Variants in ZBTB20 observed in about 807,000 individuals in gnomAD.
ZBTB20 encodes the protein zinc finger and BTB domain containing 20.
Under a neutral mutation model 56.9 loss-of-function variants are expected in ZBTB20, and 9 were observed. That is an observed-to-expected ratio of 0.16 (90% CI 0.10 to 0.28). The LOEUF (loss-of-function observed/expected upper bound fraction) is 0.28, where lower values mean the gene tolerates loss of function less well. Ranked by LOEUF, ZBTB20 falls within the 10% of genes least tolerant of loss-of-function variation. The pLI, the probability that ZBTB20 is intolerant of heterozygous loss-of-function variation, is 1.00. For missense variants in ZBTB20, 655 were observed against 1,003.0 expected (o/e 0.65, Z 4.69); for synonymous variants, 417 against 420.7 (o/e 0.99, Z 0.11).
At chr3:114,633,347 G>A (rs1290292851) in intron 6 of ZBTB20, among the ~76,000 whole-genome samples, 1 of 152,132 alleles carries the variant, frequency 6.6e-6, no homozygotes, top group Non-Finnish European at 1.5e-5. Flanking sequence ...CTGAAACATT[G>A]TACACTGTAT....
Position 115,123,019 on chromosome 3 carries a change from G to A in ZBTB20, c.-703+24200C>T, listed in dbSNP as rs77395665. 5.3e-4 allele frequency among the ~76,000 whole-genome samples: 81 copies of A among 152,184 alleles called. No homozygotes were observed. In the East Asian group the frequency reaches 0.014, roughly 26 times the overall value. ...AAAAACATGCATGATTTTTCATAAA[G>A]GTCTAATTATTGCTCTTTTTTTCAA... is the stretch of plus-strand genomic sequence containing the variant. On this transcript the variant is annotated intron_variant, in intron 1 of 11. Coordinates refer to ENST00000675478, the MANE Select transcript of ZBTB20 (RefSeq NM_001348800.3).
Position 114,615,209 on chromosome 3 carries a change from A to G in ZBTB20, c.-295+78319T>C, listed in dbSNP as rs552087970. ...GTCAATTTTAAAGTATCACTTAATAAATACTATTTGACAATTTGCAAATTT... is the reference window on the plus strand; with the variant it reads ...GTCAATTTTAAAGTATCACTTAATAGATACTATTTGACAATTTGCAAATTT... On this transcript the variant is annotated intron_variant, in intron 6 of 11. Transcript: ENST00000675478. Among the ~76,000 whole-genome samples the G allele has an allele frequency of 2.0e-5, 3 of 152,326 alleles. No homozygotes were observed. In the South Asian group the frequency reaches 6.2e-4, roughly 32 times the overall value.
intron 5 of ZBTB20, among the ~76,000 whole-genome samples, chr3:114,779,471 G>A (rs1313505586): frequency 6.6e-6 from 1 of 152,074 alleles, no homozygotes; most frequent in Non-Finnish European, 1.5e-5. Flanking sequence ...TAGAACTCAC[G>A]GCACCGAAGA....
At chr3:114,572,563 G>C (rs1391415799) in intron 6 of ZBTB20, among the ~76,000 whole-genome samples, 1 of 152,210 alleles carries the variant, frequency 6.6e-6, no homozygotes, top group African/African-American at 2.4e-5. Context: ...ACAGTCAGTG[G>C]AGGCCTGAGG....
chr3:114,731,105 A>G (rs2065706997), intron 5 of ZBTB20, among the ~76,000 whole-genome samples: 1 of 152,258 alleles, frequency 6.6e-6, no homozygotes, highest in Non-Finnish European at 1.5e-5. Context: ...TTGTTGGAGT[A>G]ACAGAAAGCA....
At chr3:115,016,082 T>C (rs1045601560) in intron 2 of ZBTB20, among the ~76,000 whole-genome samples, 5 of 151,884 alleles carry the variant, frequency 3.3e-5, no homozygotes, top group African/African-American at 1.2e-4. Context: ...GATGTTGAGC[T>C]TTTTTCACGT....
intron 1 of ZBTB20, among the ~76,000 whole-genome samples, chr3:115,097,251 T>A (rs1444151746): frequency 6.6e-6 from 1 of 152,200 alleles, no homozygotes; most frequent in East Asian, 1.9e-4. Flanking sequence ...CGATCTCGGC[T>A]CACTACAACC....
At position 114,576,554 on chromosome 3, in the gene ZBTB20, A is replaced by G. The variant is rs1169855494; in HGVS notation, c.-294-76163T>C. 2.9e-5 allele frequency among the ~76,000 whole-genome samples: 4 copies of G among 135,680 alleles called. No homozygotes were observed. In the East Asian group the frequency reaches 8.9e-4, roughly 30 times the overall value. 89.0% of individuals were successfully genotyped at this position (135,680 alleles called of 152,430 possible). A position where few individuals can be genotyped will look rare whatever the true frequency, so the allele number is the denominator to read the frequency against. ...AAAAAAAAAAAAAAAAAAAATGTAT[A>G]CCTGATATAAGGTGTTATAACAAAA... On this transcript the variant is annotated intron_variant, in intron 6 of 11. Coordinates refer to ENST00000675478, the MANE Select transcript of ZBTB20 (RefSeq NM_001348800.3).
intron 5 of ZBTB20, among the ~76,000 whole-genome samples, chr3:114,770,448 T>A (rs189038401): frequency 4.0e-5 from 6 of 149,666 alleles, no homozygotes; most frequent in African/African-American, 1.2e-4. Flanking sequence ...AAACTCCATC[T>A]TAAAAAAAAA....
At chr3:114,967,438 TTCTA>T (rs779572488) in intron 3 of ZBTB20, among the ~76,000 whole-genome samples, 5 of 152,214 alleles carry the variant, frequency 3.3e-5, no homozygotes. Context: ...GTACTGTACT[TTCTA>T]TCTCAGTATC....
At position 115,057,955 on chromosome 3, in the gene ZBTB20, A is replaced by G. The variant is rs1239762203; in HGVS notation, c.-507+13264T>C. Among the ~76,000 whole-genome samples the G allele has an allele frequency of 3.3e-5, 5 of 152,190 alleles. No homozygotes were observed. In the East Asian group the frequency reaches 5.8e-4, roughly 18 times the overall value. ...GGGTGGCCTCAGGAAACTTACAATC[A>G]TGATGGAAGAGGAGGCAAACACATC... On this transcript the variant is annotated intron_variant, in intron 2 of 11. Coordinates refer to ENST00000675478, the MANE Select transcript of ZBTB20 (RefSeq NM_001348800.3).
chr3:114,688,575 G>T (rs1025638103), intron 6 of ZBTB20, among the ~76,000 whole-genome samples: 1 of 152,106 alleles, frequency 6.6e-6, no homozygotes, highest in African/African-American at 2.4e-5. Flanking sequence ...TTTTGCCATT[G>T]TAATTACCTC....
At chr3:114,590,340 C>T (rs2055620462) in intron 6 of ZBTB20, among the ~76,000 whole-genome samples, 1 of 151,910 alleles carries the variant, frequency 6.6e-6, no homozygotes, top group South Asian at 2.1e-4. Context: ...CCTGTTATCC[C>T]AGCAGGAGGC....
intron 10 of ZBTB20, among the ~76,000 whole-genome samples, chr3:114,358,210 G>C (rs2081446370): frequency 6.6e-6 from 1 of 152,266 alleles, no homozygotes; most frequent in South Asian, 2.1e-4. Context: ...AAGATCTATA[G>C]CACTTGTAAT....
intron 6 of ZBTB20, among the ~76,000 whole-genome samples, chr3:114,626,037 G>T (rs970748241): frequency 1.3e-5 from 2 of 152,108 alleles, no homozygotes; most frequent in Non-Finnish European, 2.9e-5. Flanking sequence ...GCAATCTCAA[G>T]TCACATGATG....
chr3:114,967,198 A>G (rs944972009), intron 3 of ZBTB20, among the ~76,000 whole-genome samples: 1 of 152,238 alleles, frequency 6.6e-6, no homozygotes, highest in Non-Finnish European at 1.5e-5. Context: ...AGTTTAGCAC[A>G]AAATGAGAAA....
At chr3:115,009,957 T>C (rs1053387519) in intron 2 of ZBTB20, among the ~76,000 whole-genome samples, 3 of 151,986 alleles carry the variant, frequency 2.0e-5, no homozygotes, top group African/African-American at 7.2e-5. Flanking sequence ...CAGTATTATG[T>C]ATTTTTTCTT....
chr3:114,718,535 C>T (rs953259327), intron 5 of ZBTB20, among the ~76,000 whole-genome samples: 6 of 152,066 alleles, frequency 3.9e-5, no homozygotes, highest in Admixed American at 3.9e-4. Context: ...GATACAACCA[C>T]GCGCTGTGAC....
At chr3:114,341,177 TA>T (rs1366085690) in intron 11 of ZBTB20, among the ~76,000 whole-genome samples, 1 of 152,154 alleles carries the variant, frequency 6.6e-6, no homozygotes, top group Non-Finnish European at 1.5e-5. Flanking sequence ...ACTTTTAGAT[TA>T]AAACAGGAAA....
Sources: allele counts gnomAD v4.1 joint callset (sites outside exome capture counted in the v4.1 genomes callset), GRCh38; gene constraint gnomAD v4.1.1; transcripts MANE v1.5; gene names NCBI Gene and HGNC (gene_info 2026-07-23, HGNC 2026-07-21).